NRXN3: variants seen among roughly 807,000 people sequenced by gnomAD.
NRXN3 encodes neurexin 3.
NRXN3 carries 32 observed loss-of-function variants against 137.6 expected under a neutral mutation model. That is an observed-to-expected ratio of 0.23 (90% CI 0.18 to 0.31). The LOEUF is 0.31. NRXN3 is among the 10% of genes least tolerant of loss of function. The probability of loss-of-function intolerance (pLI) is 1.00; values close to 1 mark genes in which losing one functional copy is unlikely to be tolerated. For synonymous variants in NRXN3, 798 were observed against 784.5 expected, an observed-to-expected ratio of 1.02 and a Z score of -0.29; for missense variants, 1,574 against 2,062.5, an observed-to-expected ratio of 0.76 and a Z score of 4.59.
chr14:79,028,782 T>C (rs1238531084), intron 15 of NRXN3, among the ~76,000 whole-genome samples: 2 of 152,126 alleles, frequency 1.3e-5, no homozygotes. Flanking sequence ...GAGAGGACTT[T>C]TGAATTAATC....
At chr14:78,921,299 A>G (rs1383333311) in intron 10 of NRXN3, among the ~76,000 whole-genome samples, 1 of 152,238 alleles carries the variant, frequency 6.6e-6, no homozygotes, top group Non-Finnish European at 1.5e-5. Flanking sequence ...TGGTTAATGG[A>G]GCAGACACAG....
At chr14:79,154,425 C>A (rs2060069693) in intron 15 of NRXN3, among the ~76,000 whole-genome samples, 1 of 151,874 alleles carries the variant, frequency 6.6e-6, no homozygotes, top group Non-Finnish European at 1.5e-5. Context: ...GTGAAATCTT[C>A]CCCCACAAAC....
intron 15 of NRXN3, among the ~76,000 whole-genome samples, chr14:79,418,217 AG>A (rs1019984303): frequency 1.5e-4 from 23 of 152,286 alleles, no homozygotes; most frequent in Admixed American, 2.6e-4. Flanking sequence ...TAGATAGCCT[AG>A]TGATGTTTTT....
At chr14:78,949,912 A>G (rs2099383942) in intron 10 of NRXN3, among the ~76,000 whole-genome samples, 1 of 152,202 alleles carries the variant, frequency 6.6e-6, no homozygotes, top group African/African-American at 2.4e-5. Flanking sequence ...GACTTAAATT[A>G]GAAATGTATT....
intron 15 of NRXN3, among the ~76,000 whole-genome samples, chr14:79,203,206 C>T (rs548398101): frequency 6.6e-6 from 1 of 152,194 alleles, no homozygotes; most frequent in Non-Finnish European, 1.5e-5. Flanking sequence ...AGCCTTCAAA[C>T]TCCTCCAGAA....
chr14:78,389,390 C>A (rs531259811), intron 4 of NRXN3, among the ~76,000 whole-genome samples: 2 of 152,104 alleles, frequency 1.3e-5, no homozygotes, highest in Non-Finnish European at 2.9e-5. Flanking sequence ...CATTGCCTTC[C>A]AGGGAAGTTA....
chr14:78,982,833 A>G (rs981564446), intron 14 of NRXN3, among the ~76,000 whole-genome samples: 1 of 152,224 alleles, frequency 6.6e-6, no homozygotes, highest in African/African-American at 2.4e-5. Context: ...AAAACAATTA[A>G]TAGAGTGAAG....
intron 4 of NRXN3, among the ~76,000 whole-genome samples, chr14:78,489,455 G>C (rs1009908781): frequency 1.3e-5 from 2 of 152,078 alleles, no homozygotes; most frequent in African/African-American, 4.8e-5. Context: ...GGAGGAATGG[G>C]AAAGTATGTT....
intron 19 of NRXN3, among the ~76,000 whole-genome samples, chr14:79,788,639 T>G (rs962047396): frequency 2.0e-5 from 3 of 152,204 alleles, no homozygotes; most frequent in African/African-American, 7.2e-5. Flanking sequence ...AGCTCATGTT[T>G]TCTGACTCAA....
rs748887252 is a variant in NRXN3 at position 78,803,594 on chromosome 14, C to T, written c.2045-26C>T. ...GCAACTGTGACATCCGTCATCCTAA[C>T]GATCTTCTCCATTCTTCTTTGGCAG... On this transcript the variant is annotated intron_variant, in intron 8 of 20. Coordinates refer to ENST00000335750, the MANE Select transcript of NRXN3 (RefSeq NM_001330195.2). 1.4e-5 allele frequency: 22 copies of T among 1,608,850 alleles called. 1 individual carries two copies. The highest frequency in any genetic ancestry group is 5.5e-5 in the South Asian group (5 of 91,012).
chr14:78,652,162 G>T (rs1237544907), intron 6 of NRXN3, among the ~76,000 whole-genome samples: 1 of 152,178 alleles, frequency 6.6e-6, no homozygotes, highest in Admixed American at 6.5e-5. Context: ...ACTAAGCCTG[G>T]TGTTCCCAAG....
chr14:79,401,111 G>A (rs956180980), intron 15 of NRXN3, among the ~76,000 whole-genome samples: 7 of 152,260 alleles, frequency 4.6e-5, no homozygotes, highest in African/African-American at 7.2e-5. Context: ...AACTTTGTGC[G>A]TGATTCAGGA....
intron 18 of NRXN3, among the ~76,000 whole-genome samples, chr14:79,696,086 G>A (rs114490032): frequency 4.2e-4 from 64 of 151,984 alleles, no homozygotes; most frequent in African/African-American, 1.2e-3. Flanking sequence ...TCCTCTGATC[G>A]GATGAGCATT....
chr14:78,619,551 C>A (rs1219061417), intron 4 of NRXN3, among the ~76,000 whole-genome samples: 1 of 152,026 alleles, frequency 6.6e-6, no homozygotes, highest in East Asian at 1.9e-4. Context: ...AGGGAGAGAC[C>A]AGGTGGAGGT....
At chr14:78,284,947 G>T (rs145269497) in intron 3 of NRXN3, among the ~76,000 whole-genome samples, 1 of 152,212 alleles carries the variant, frequency 6.6e-6, no homozygotes, top group Non-Finnish European at 1.5e-5. Context: ...TGCATCCTTT[G>T]CCCAAGGTCA....
intron 4 of NRXN3, among the ~76,000 whole-genome samples, chr14:78,562,396 CAAAA>C (rs752464669): frequency 2.0e-5 from 1 of 49,466 alleles, no homozygotes; most frequent in Non-Finnish European, 4.4e-5. Context: ...ACTTATATCT[CAAAA>C]AAAAAAAAAA....
chr14:78,823,740 C>G (rs1044453907), intron 10 of NRXN3, among the ~76,000 whole-genome samples: 1 of 152,002 alleles, frequency 6.6e-6, no homozygotes, highest in Non-Finnish European at 1.5e-5. Context: ...GCTGAATATA[C>G]ATATTTAATA....
intron 10 of NRXN3, among the ~76,000 whole-genome samples, chr14:78,863,620 C>T (rs1028215244): frequency 2.0e-5 from 3 of 152,056 alleles, no homozygotes; most frequent in African/African-American, 7.2e-5. Flanking sequence ...CCTTGACTCT[C>T]AATTTTGTTT....
chr14:78,473,048 A>G (rs1298648141), intron 4 of NRXN3, among the ~76,000 whole-genome samples: 1 of 151,772 alleles, frequency 6.6e-6, no homozygotes, highest in African/African-American at 2.4e-5. Flanking sequence ...AGGTACAAGG[A>G]TGTTCATTTA....
Sources: gnomAD v4.1 joint callset for allele counts (sites outside exome capture counted in the v4.1 genomes callset) on GRCh38, gnomAD v4.1.1 for gene constraint, MANE v1.5 for transcripts, NCBI Gene and HGNC (gene_info 2026-07-23, HGNC 2026-07-21) for gene names.